Variants in CCDC148 observed in about 807,000 individuals in gnomAD.
The protein encoded by CCDC148 is coiled-coil domain containing 148, also known as coiled-coil domain-containing protein 148.
CCDC148 carries 89 observed loss-of-function variants against 85.7 expected under a neutral mutation model. That is an observed-to-expected ratio of 1.04 (90% CI 0.87 to 1.24). The LOEUF is 1.24. CCDC148 is among the 50% of genes most tolerant of loss of function. The pLI is 0.00. For missense variants in CCDC148, 692 were observed against 671.7 expected (o/e 1.03, Z -0.33); for synonymous variants, 230 against 213.9 (o/e 1.08, Z -0.66).
intron 11 of CCDC148, among the ~76,000 whole-genome samples, chr2:158,217,303 T>G (rs1686913746): frequency 6.9e-6 from 1 of 144,866 alleles, no homozygotes; most frequent in African/African-American, 2.5e-5. Context: ...TCATTTTATT[T>G]ATGTAGGTAT....
intron 1 of CCDC148, among the ~76,000 whole-genome samples, chr2:158,442,387 ATCTTAAGG>A (rs1299361321): frequency 6.6e-6 from 1 of 152,226 alleles, no homozygotes; most frequent in East Asian, 1.9e-4. Context: ...TTTTTCTAAG[ATCTTAAGG>A]TCTTAGAGCA....
intron 1 of CCDC148, among the ~76,000 whole-genome samples, chr2:158,438,696 G>A (rs533057826): frequency 3.3e-5 from 5 of 152,226 alleles, no homozygotes; most frequent in South Asian, 2.1e-4. Flanking sequence ...GCAACCTACA[G>A]AATGGGAGAA....
intron 1 of CCDC148, among the ~76,000 whole-genome samples, chr2:158,359,948 A>T (rs1294171510): frequency 6.6e-6 from 1 of 152,210 alleles, no homozygotes; most frequent in Non-Finnish European, 1.5e-5. Flanking sequence ...CTGCCAGCAC[A>T]GCAGTCTGAA....
chr2:158,302,959 T>G (rs1399386275), intron 9 of CCDC148, among the ~76,000 whole-genome samples: 1 of 152,038 alleles, frequency 6.6e-6, no homozygotes, highest in Non-Finnish European at 1.5e-5. Context: ...AGAGCTCTGC[T>G]TCCTCCCTTT....
chr2:158,430,083 T>C (rs1007160827), intron 1 of CCDC148, among the ~76,000 whole-genome samples: 8 of 152,100 alleles, frequency 5.3e-5, no homozygotes, highest in Admixed American at 2.0e-4. Context: ...GAGACGAAAG[T>C]AGTACAAATC....
Position 158,421,837 on chromosome 2 carries a change from A to G in CCDC148, c.25+34578T>C, listed in dbSNP as rs575523107. Among the ~76,000 whole-genome samples the G allele has an allele frequency of 2.8e-3, 420 of 152,232 alleles. 2 individuals are homozygous for G. Among genetic ancestry groups the G allele is most frequent in the Admixed American group, 4.9e-3 (75 of 15,280 alleles). On this transcript the variant is annotated intron_variant, in intron 1 of 13. Coordinates refer to ENST00000283233, the MANE Select transcript of CCDC148 (RefSeq NM_138803.4). Reference sequence around the variant, plus strand: ...AAAAGATCAACAAAATTGATAGACCACTAGCAAGACTAATAAAGAAGAAAA... The same window carrying G: ...AAAAGATCAACAAAATTGATAGACCGCTAGCAAGACTAATAAAGAAGAAAA...
At chr2:158,341,188 T>TTATATATGTATACATACGTATGTGTACG (rs1297358049) in intron 3 of CCDC148, among the ~76,000 whole-genome samples, 20 of 152,248 alleles carry the variant, frequency 1.3e-4, no homozygotes, top group Admixed American at 1.1e-3. Flanking sequence ...CTTCATGAGC[T>TTATATATGTATACATACGTATGTGTACG]TATATATGTA....
chr2:158,397,403 A>T (rs998183539), intron 1 of CCDC148, among the ~76,000 whole-genome samples: 2 of 152,168 alleles, frequency 1.3e-5, no homozygotes, highest in Non-Finnish European at 2.9e-5. Context: ...CCACAAAGGG[A>T]AGCCTATCAG....
chr2:158,287,098 T>C (rs1690662675), intron 9 of CCDC148, among the ~76,000 whole-genome samples: 1 of 152,054 alleles, frequency 6.6e-6, no homozygotes, highest in Non-Finnish European at 1.5e-5. Flanking sequence ...CCCTATAAGC[T>C]CGTCAGATCT....
chr2:158,392,216 A>C (rs191089160), intron 1 of CCDC148, among the ~76,000 whole-genome samples: 6 of 152,264 alleles, frequency 3.9e-5, no homozygotes, highest in Admixed American at 2.6e-4. Flanking sequence ...TGAGCATATA[A>C]TATGGTCCAG....
Position 158,194,030 on chromosome 2 carries a change from T to G in CCDC148, c.1371-15034A>C, listed in dbSNP as rs1249097329. 5.3e-5 allele frequency among the ~76,000 whole-genome samples: 8 copies of G among 151,238 alleles called. 1 individual carries two copies. Among genetic ancestry groups the G allele is most frequent in the Admixed American group, 5.3e-4 (8 of 15,170 alleles). On this transcript the variant is annotated intron_variant, in intron 11 of 13. Coordinates refer to ENST00000283233, the MANE Select transcript of CCDC148 (RefSeq NM_138803.4). ...TTAAAGTATAATAAAAAAAAAAAAT[T>G]TAAAAAAATTTACAGTTTAAAGGGT... is the stretch of plus-strand genomic sequence containing the variant.
intron 10 of CCDC148, among the ~76,000 whole-genome samples, chr2:158,240,646 T>C (rs1688316875): frequency 6.6e-6 from 1 of 152,032 alleles, no homozygotes. Context: ...CAGGCAGCAC[T>C]CTGATTTTCC....
chr2:158,369,444 G>A (rs1202329700), intron 1 of CCDC148, among the ~76,000 whole-genome samples: 2 of 152,052 alleles, frequency 1.3e-5, no homozygotes. Context: ...ATTGTGAATG[G>A]GAGTTTATTC....
chr2:158,321,360 G>A (rs879846401), intron 7 of CCDC148, among the ~76,000 whole-genome samples: 25 of 152,104 alleles, frequency 1.6e-4, no homozygotes, highest in Admixed American at 1.6e-3. Flanking sequence ...TGTTGGGTGA[G>A]GGGTCATCTA....
At chr2:158,451,225 T>A (rs1418409655) in intron 1 of CCDC148, among the ~76,000 whole-genome samples, 1 of 152,122 alleles carries the variant, frequency 6.6e-6, no homozygotes, top group East Asian at 1.9e-4. Flanking sequence ...TTATACTAGC[T>A]GTTTTGAATT....
chr2:158,196,472 T>C (rs181288165), intron 11 of CCDC148, among the ~76,000 whole-genome samples: 27 of 152,244 alleles, frequency 1.8e-4, no homozygotes, highest in African/African-American at 5.8e-4. Context: ...ATATGTCCAG[T>C]GCATTATTTG....
chr2:158,403,724 G>A (rs557001683), intron 1 of CCDC148, among the ~76,000 whole-genome samples: 2 of 151,640 alleles, frequency 1.3e-5, no homozygotes, highest in African/African-American at 4.8e-5. Flanking sequence ...ATGCAAACAC[G>A]AAACACTGTT....
chr2:158,192,278 T>C (rs1685459029), intron 11 of CCDC148, among the ~76,000 whole-genome samples: 1 of 151,988 alleles, frequency 6.6e-6, no homozygotes, highest in Non-Finnish European at 1.5e-5. Flanking sequence ...TTTGGATATC[T>C]CTCTCAAAGG....
At chr2:158,275,895 A>G (rs935553307) in intron 9 of CCDC148, among the ~76,000 whole-genome samples, 3 of 152,180 alleles carry the variant, frequency 2.0e-5, no homozygotes, top group Non-Finnish European at 4.4e-5. Flanking sequence ...CTGTACCCAT[A>G]GAAATTTATG....
Sources: allele counts gnomAD v4.1 joint callset (sites outside exome capture counted in the v4.1 genomes callset), GRCh38; gene constraint gnomAD v4.1.1; transcripts MANE v1.5; gene names NCBI Gene and HGNC (gene_info 2026-07-23, HGNC 2026-07-21).